Variants in MYO16 observed in about 807,000 individuals in gnomAD.
MYO16 encodes the protein unconventional myosin-XVI.
Under a neutral mutation model 205.3 loss-of-function variants are expected in MYO16, and 94 were observed. The ratio of observed to expected loss-of-function variants is 0.46; its 90% CI spans 0.39 to 0.54. The LOEUF is 0.54. Ranked by LOEUF, MYO16 falls within the 20% of genes least tolerant of loss-of-function variation. The pLI is 0.00. For missense variants in MYO16, 2,315 were observed against 2,387.5 expected (o/e 0.97, Z 0.63); for synonymous variants, 988 against 954.0 (o/e 1.04, Z -0.66).
chr13:108,844,306 A>G (rs1364194568), intron 9 of MYO16, 37 bp from the exon 10 acceptor site: 3 of 1,568,486 alleles, frequency 1.9e-6, no homozygotes, highest in African/African-American at 2.7e-5. Flanking sequence ...AAACATTAGA[A>G]AGAGACTAAT....
chr13:109,042,578 CAT>C (rs1210279408), intron 23 of MYO16, among the ~76,000 whole-genome samples: 2 of 152,200 alleles, frequency 1.3e-5, no homozygotes, highest in African/African-American at 4.8e-5. Context: ...TTTTATGTAA[CAT>C]GTTATCAATT....
chr13:108,928,007 G>A (rs972604589), intron 16 of MYO16, among the ~76,000 whole-genome samples: 1 of 152,256 alleles, frequency 6.6e-6, no homozygotes, highest in Non-Finnish European at 1.5e-5. Flanking sequence ...CTAGGGTAAG[G>A]TTTCTAGAAC....
intron 4 of MYO16, among the ~76,000 whole-genome samples, chr13:108,760,572 C>T (rs879525661): frequency 2.6e-5 from 4 of 151,740 alleles, no homozygotes; most frequent in Non-Finnish European, 4.4e-5. Context: ...TGTTCATTTC[C>T]ACCTGACATA....
At position 109,110,630 on chromosome 13, in the gene MYO16, G is replaced by A. The variant is rs147020618; in HGVS notation, c.3439-9740G>A. Among the ~76,000 whole-genome samples the A allele has an allele frequency of 8.1e-3, 1,235 of 152,272 alleles. 16 individuals carry two copies. The highest frequency in any genetic ancestry group is 0.028 in the African/African-American group (1,156 of 41,546). On this transcript the variant is annotated intron_variant, in intron 28 of 34. Coordinates refer to ENST00000457511, the MANE Select transcript of MYO16 (RefSeq NM_001198950.3). ...TCATATAAATGTATCCTTTGAGAAC[G>A]TTTAAAAGTACATTCAGACATTCAG...
intron 20 of MYO16, among the ~76,000 whole-genome samples, chr13:108,965,746 C>G (rs1883768879): frequency 6.6e-6 from 1 of 152,136 alleles, no homozygotes; most frequent in South Asian, 2.1e-4. Context: ...GCTATTTCAT[C>G]ATCTAAAAAT....
chr13:109,181,137 G>A (rs1349206792), intron 34 of MYO16, among the ~76,000 whole-genome samples: 2 of 152,258 alleles, frequency 1.3e-5, no homozygotes, highest in Non-Finnish European at 2.9e-5. Context: ...AAAGAGAGAT[G>A]AGAAAGGTCA....
At chr13:108,779,823 C>T (rs1425904709) in intron 4 of MYO16, 1 of 152,262 alleles carries the variant, frequency 6.6e-6, no homozygotes, top group Non-Finnish European at 1.5e-5. Flanking sequence ...ACTGACAGAC[C>T]CAACACCGTT....
intron 4 of MYO16, among the ~76,000 whole-genome samples, chr13:108,731,407 C>T (rs1002971178): frequency 6.6e-6 from 1 of 152,148 alleles, no homozygotes; most frequent in Non-Finnish European, 1.5e-5. Context: ...TAACCACATC[C>T]ATCCTTTTAC....
chr13:108,612,059 T>C (rs190990566), intron 1 of MYO16, among the ~76,000 whole-genome samples: 1 of 151,758 alleles, frequency 6.6e-6, no homozygotes, highest in East Asian at 1.9e-4. Flanking sequence ...GTAGACTCTT[T>C]ACTTTCTTCA....
intron 24 of MYO16, among the ~76,000 whole-genome samples, chr13:109,047,446 A>G (rs1887083960): frequency 6.6e-6 from 1 of 152,154 alleles, no homozygotes; most frequent in South Asian, 2.1e-4. Flanking sequence ...TAGAAATAGA[A>G]GGAGTATATA....
At chr13:109,161,529 C>T (rs1321610161) in intron 32 of MYO16, among the ~76,000 whole-genome samples, 4 of 152,094 alleles carry the variant, frequency 2.6e-5, no homozygotes, top group Non-Finnish European at 4.4e-5. Flanking sequence ...CTAAACCAAG[C>T]ACCACATCTA....
At position 108,855,501 on chromosome 13, in the gene MYO16, A is replaced by G; in HGVS notation, c.1307A>G (p.Asp436Gly). The stretch of plus-strand genomic sequence containing the variant: ...CTGGCAACGCTCAGCGAGCTCAATG[A>G]TGGCAGCCTGCTCTATGAGATTCAG... ...DDLATLSELN[D>G]GSLLYEIQKR... The change falls in exon 11 of 35, where the codon GAT (aspartate) becomes GGT (glycine). Residue 436 changes from aspartate to glycine, a missense_variant. Physicochemically the swap from Asp to Gly is moderately conservative, Grantham distance 94. This residue lies in a region of MYO16 where 1,213 missense variants were observed against 1,274.4 expected (regional missense o/e 0.95). Coordinates refer to ENST00000457511, the MANE Select transcript of MYO16 (RefSeq NM_001198950.3). 1 of 1,598,824 alleles carries G rather than the reference A, an allele frequency of 6.3e-7. No individual in the cohort carries two copies. Among genetic ancestry groups the G allele is most frequent in the Non-Finnish European group, 8.6e-7 (1 of 1,168,034 alleles).
chr13:109,028,733 AAACC>A (rs1339798678), intron 23 of MYO16, among the ~76,000 whole-genome samples: 1 of 150,916 alleles, frequency 6.6e-6, no homozygotes, highest in African/African-American at 2.4e-5. Flanking sequence ...TTGTAGCTCT[AAACC>A]ACAACCCTAC....
At chr13:108,955,141 G>T (rs1279083930) in intron 16 of MYO16, among the ~76,000 whole-genome samples, 1 of 152,170 alleles carries the variant, frequency 6.6e-6, no homozygotes, top group African/African-American at 2.4e-5. Context: ...CCCTGAGATG[G>T]CACCAGCCTT....
intron 25 of MYO16, chr13:109,054,251 G>T: frequency 3.1e-6 from 1 of 321,988 alleles, no homozygotes; most frequent in Non-Finnish European, 6.3e-6. Flanking sequence ...TCTTTTCAGG[G>T]CTGCACATAT....
chr13:108,760,511 T>G (rs1885571289), intron 4 of MYO16, among the ~76,000 whole-genome samples: 1 of 152,168 alleles, frequency 6.6e-6, no homozygotes, highest in African/African-American at 2.4e-5. Flanking sequence ...AAATTTCATT[T>G]ACTTGCTGGG....
At chr13:108,823,405 C>A in intron 9 of MYO16, 127 bp downstream of exon 9, 2 of 765,222 alleles carry the variant, frequency 2.6e-6, no homozygotes, top group East Asian at 2.7e-5. Context: ...ATGTATATAC[C>A]AAAGAATACT....
chr13:108,881,707 T>C (rs919339017), intron 12 of MYO16, among the ~76,000 whole-genome samples: 1 of 151,928 alleles, frequency 6.6e-6, no homozygotes, highest in Non-Finnish European at 1.5e-5. Flanking sequence ...TGATTGAAGA[T>C]CAAATGAATG....
chr13:108,776,899 C>T (rs16973105), intron 4 of MYO16, among the ~76,000 whole-genome samples: 5,087 of 152,242 alleles, frequency 0.033, 248 homozygotes, highest in East Asian at 0.24. Flanking sequence ...TGTCCTTAAA[C>T]GCTCAGCTAT....
Sources: gnomAD v4.1 joint callset for allele counts (sites outside exome capture counted in the v4.1 genomes callset) on GRCh38, gnomAD v4.1.1 for gene constraint, gnomAD v4.1.1 regional missense constraint, MANE v1.5 for transcripts, NCBI Gene and HGNC (gene_info 2026-07-23, HGNC 2026-07-21) for gene names.